CD28: variants seen among roughly 807,000 people sequenced by gnomAD.
CD28 encodes CD28 molecule.
A neutral mutation model predicts 21.4 loss-of-function variants in CD28; 8 were observed. That is an observed-to-expected ratio of 0.37 (90% CI 0.22 to 0.68). The LOEUF is 0.68. CD28 is among the 30% of genes least tolerant of loss of function. CD28 has a pLI of 0.55. For missense variants in CD28, 239 were observed against 272.2 expected, an observed-to-expected ratio of 0.88 and a Z score of 0.86; for synonymous variants, 106 against 104.0, an observed-to-expected ratio of 1.02 and a Z score of -0.12.
intron 1 of CD28, among the ~76,000 whole-genome samples, chr2:203,724,595 G>A (rs1195648660): frequency 1.3e-5 from 2 of 152,074 alleles, no homozygotes; most frequent in East Asian, 3.8e-4. Flanking sequence ...TGTTGCCCAG[G>A]CTGGTCTTGA....
chr2:203,725,374 A>G (rs1232650118), intron 1 of CD28, among the ~76,000 whole-genome samples: 1 of 151,462 alleles, frequency 6.6e-6, no homozygotes, highest in Non-Finnish European at 1.5e-5. Flanking sequence ...TCAGTGGTCT[A>G]TTTCTCAGGT....
intron 1 of CD28, among the ~76,000 whole-genome samples, chr2:203,725,602 C>G (rs1306824119): frequency 6.6e-6 from 1 of 152,020 alleles, no homozygotes; most frequent in Non-Finnish European, 1.5e-5. Context: ...AGGTTCTTTG[C>G]TTTTAAAGAT....
intron 1 of CD28, among the ~76,000 whole-genome samples, chr2:203,719,324 G>T (rs763119022): frequency 1.3e-5 from 2 of 152,100 alleles, no homozygotes; most frequent in Non-Finnish European, 2.9e-5. Context: ...AGTTGAGTGT[G>T]GTTTTTTGCA....
chr2:203,713,886 A>C (rs1292178267), intron 1 of CD28, among the ~76,000 whole-genome samples: 2 of 149,084 alleles, frequency 1.3e-5, no homozygotes, highest in Non-Finnish European at 3.0e-5. Context: ...ACAGAGAGAG[A>C]GAGTGTGTGT....
At chr2:203,725,221 C>T (rs4675361) in intron 1 of CD28, among the ~76,000 whole-genome samples, 115,133 of 151,208 alleles carry the variant, frequency 0.76, 43,960 homozygotes, top group East Asian at 0.92. Flanking sequence ...ACCCAGAGGG[C>T]GGAGGTTGCA....
intron 1 of CD28, among the ~76,000 whole-genome samples, chr2:203,717,668 T>C (rs1386000279): frequency 6.6e-6 from 1 of 152,174 alleles, no homozygotes; most frequent in African/African-American, 2.4e-5. Flanking sequence ...GAACCATGGA[T>C]CAAAAACAGT....
intron 3 of CD28, among the ~76,000 whole-genome samples, chr2:203,733,719 T>C (rs746788817): frequency 9.9e-5 from 15 of 151,990 alleles, no homozygotes; most frequent in Non-Finnish European, 2.1e-4. Flanking sequence ...AGAAATAGTA[T>C]CACAAAAAGA....
At chr2:203,728,252 G>C (rs747473907) in intron 2 of CD28, among the ~76,000 whole-genome samples, 14 of 152,200 alleles carry the variant, frequency 9.2e-5, no homozygotes, top group Non-Finnish European at 1.9e-4. Context: ...CTGTTAAGCA[G>C]TATTTGTGAA....
chr2:203,710,495 G>A (rs965519890), intron 1 of CD28, among the ~76,000 whole-genome samples: 3 of 152,228 alleles, frequency 2.0e-5, no homozygotes, highest in African/African-American at 7.2e-5. Context: ...TGGGTGGGGA[G>A]AGGATCTCGC....
chr2:203,716,197 C>T (rs1327722046), intron 1 of CD28, among the ~76,000 whole-genome samples: 1 of 152,182 alleles, frequency 6.6e-6, no homozygotes, highest in Non-Finnish European at 1.5e-5. Context: ...TCCCAATAAA[C>T]TCTCACACTA....
chr2:203,714,383 G>C (rs967584708), intron 1 of CD28, among the ~76,000 whole-genome samples: 1 of 152,066 alleles, frequency 6.6e-6, no homozygotes, highest in Non-Finnish European at 1.5e-5. Context: ...CATTATGGGC[G>C]GGACTCTAGT....
At chr2:203,711,584 A>G (rs1407084231) in intron 1 of CD28, among the ~76,000 whole-genome samples, 5 of 152,302 alleles carry the variant, frequency 3.3e-5, no homozygotes, top group Non-Finnish European at 4.4e-5. Context: ...GTGGCTGACA[A>G]TATAACCAGG....
At chr2:203,721,889 TATTC>T (rs1693613981) in intron 1 of CD28, among the ~76,000 whole-genome samples, 1 of 152,152 alleles carries the variant, frequency 6.6e-6, no homozygotes, top group South Asian at 2.1e-4. Context: ...AGACAGGACA[TATTC>T]AGCAAACCAC....
chr2:203,729,913 C>T, intron 3 of CD28, 141 bp downstream of exon 3: 2 of 842,276 alleles, frequency 2.4e-6, no homozygotes, highest in Non-Finnish European at 3.7e-6. Context: ...AGTAGGTTCT[C>T]TTTTAGCTTG....
In CD28 at chr2:203,737,607, A is replaced by G; in HGVS notation, c.*2695A>G. The G allele has an allele frequency of 6.6e-6, 1 of 152,610 alleles. No individual in the cohort carries two copies. The highest frequency in any genetic ancestry group is 1.9e-4 in the East Asian group (1 of 5,192). The allele number at this position is 152,610 out of a possible 1,614,324, so 9.5% of individuals were successfully genotyped here. A position where few individuals can be genotyped will look rare whatever the true frequency, so the allele number is the denominator to read the frequency against. On this transcript the variant is annotated 3_prime_UTR_variant, in exon 4 of 4. Transcript: ENST00000324106. ...TTTCACTATTAGTATGAACCAAGAA[A>G]TGGTTCAAAAACAGTGGTAGGAGCA...
Position 203,738,374 on chromosome 2 carries a change from A to G in CD28, c.*3462A>G, listed in dbSNP as rs1004397234. 2 of 152,194 alleles carry G rather than the reference A, an allele frequency of 1.3e-5. No homozygotes were observed. The highest frequency in any genetic ancestry group is 3.8e-4 in the East Asian group (2 of 5,202). The allele number at this position is 152,194 out of a possible 1,614,324, so 9.4% of individuals were successfully genotyped here. A position where few individuals can be genotyped will look rare whatever the true frequency, so the allele number is the denominator to read the frequency against. On this transcript the variant is annotated 3_prime_UTR_variant, in exon 4 of 4. Transcript: ENST00000324106. Reference sequence around the variant, plus strand: ...TTCAACTACATGCTGGAGATTAGAGATGGTGCCAATAAAGGACCCAGAACC... The same window carrying G: ...TTCAACTACATGCTGGAGATTAGAGGTGGTGCCAATAAAGGACCCAGAACC...
At chr2:203,720,036 T>C (rs3769684) in intron 1 of CD28, among the ~76,000 whole-genome samples, 13,184 of 152,144 alleles carry the variant, frequency 0.087, 1,141 homozygotes, top group East Asian at 0.51. Flanking sequence ...ACTGCCATTC[T>C]CATGGAAGTT....
At chr2:203,728,574 T>G (rs949112127) in intron 2 of CD28, among the ~76,000 whole-genome samples, 5 of 152,216 alleles carry the variant, frequency 3.3e-5, no homozygotes, top group African/African-American at 1.2e-4. Context: ...ATGTGGCAGA[T>G]AAGCTTTTGT....
At chr2:203,732,006 A>G (rs13390252) in intron 3 of CD28, among the ~76,000 whole-genome samples, 20,886 of 152,166 alleles carry the variant, frequency 0.14, 1,602 homozygotes, top group Middle Eastern at 0.19. Context: ...GTAGAATAAC[A>G]TAGTATTTTT....
Sources: gnomAD v4.1 joint callset for allele counts (sites outside exome capture counted in the v4.1 genomes callset) on GRCh38, gnomAD v4.1.1 for gene constraint, MANE v1.5 for transcripts, NCBI Gene and HGNC (gene_info 2026-07-23, HGNC 2026-07-21) for gene names.